The following TRIP11 variants were observed in gnomAD, a reference collection of about 807,000 sequenced individuals.
TRIP11 encodes the protein thyroid receptor-interacting protein 11.
Under a neutral mutation model 223.1 loss-of-function variants are expected in TRIP11, and 148 were observed. The observed-to-expected ratio is 0.66, with a 90% CI of 0.58 to 0.76. The LOEUF is 0.76. TRIP11 is among the 30% of genes least tolerant of loss of function. The probability of loss-of-function intolerance (pLI) is 0.00; values close to 1 mark genes in which losing one functional copy is unlikely to be tolerated. For missense variants in TRIP11, 2,043 were observed against 2,222.0 expected (o/e 0.92, Z 1.62); for synonymous variants, 762 against 772.6 (o/e 0.99, Z 0.23).
At chr14:91,976,740 A>T (rs2056469588) in intron 16 of TRIP11, among the ~76,000 whole-genome samples, 1 of 152,176 alleles carries the variant, frequency 6.6e-6, no homozygotes, top group South Asian at 2.1e-4. Flanking sequence ...TCTAATATAC[A>T]AATCAAGATA....
chr14:92,007,441 T>G (rs1704337878), intron 10 of TRIP11, among the ~76,000 whole-genome samples, 199 bp downstream of exon 10: 1 of 152,246 alleles, frequency 6.6e-6, no homozygotes, highest in South Asian at 2.1e-4. Flanking sequence ...TCACACTCAT[T>G]TGTTGGTATC....
Position 92,015,811 on chromosome 14 carries a change from C to T in TRIP11, c.708G>A (p.Met236Ile). 6.2e-7 allele frequency: 1 copy of T among 1,613,184 alleles called. No homozygotes were observed. Among genetic ancestry groups the T allele is most frequent in the Non-Finnish European group, 8.5e-7 (1 of 1,179,852 alleles). Residue 236 changes from methionine to isoleucine, a missense_variant, in exon 6 of 21, where the codon ATG becomes ATA. Transcript: ENST00000267622. Reference sequence around the variant, plus strand: ...GTTGGTGTGCATTCTGCAGTACTGACATTTCATGTTGATGGTCATCAATTT... The same window carrying T: ...GTTGGTGTGCATTCTGCAGTACTGATATTTCATGTTGATGGTCATCAATTT... ...SQEIDDHQHE[M>I]SVLQNAHQQK...
At chr14:91,992,783 C>A (rs1380951564) in intron 15 of TRIP11, among the ~76,000 whole-genome samples, 1 of 151,734 alleles carries the variant, frequency 6.6e-6, no homozygotes, top group African/African-American at 2.4e-5. Context: ...GTGGCGGGCA[C>A]CTGTAGTCCC....
chr14:91,974,708 C>T lies in TRIP11; in HGVS notation c.5493G>A (p.Trp1831Ter). Residue 1831 changes from tryptophan to a stop codon, truncating the protein, a stop_gained, in exon 19 of 21, where the codon TGG (tryptophan) becomes TGA (stop). Transcript: ENST00000267622. LOFTEE classifies it high-confidence loss of function. ...FHDDQGGVTR[W>*]MTGWLGGGSK... ...ATCCTCCTCCAAGCCACCCAGTCAT[C>T]CACCTGGTAACACCGCCCTGATCGT... The T allele has an allele frequency of 1.2e-6, 2 of 1,613,266 alleles. No homozygotes were observed. Among genetic ancestry groups the T allele is most frequent in the Non-Finnish European group, 1.7e-6 (2 of 1,179,914 alleles).
At chr14:91,988,250 G>A in intron 16 of TRIP11, 34 bp downstream of exon 16, 1 of 1,521,582 alleles carries the variant, frequency 6.6e-7, no homozygotes, top group Non-Finnish European at 9.1e-7. Context: ...TATCAGTATT[G>A]TAGTGGGGGA....
At chr14:92,015,039 G>A (rs2057018609) in intron 6 of TRIP11, among the ~76,000 whole-genome samples, 1 of 151,956 alleles carries the variant, frequency 6.6e-6, no homozygotes, top group Admixed American at 6.6e-5. Flanking sequence ...GAGTAGCTGG[G>A]ACCACAGGCG....
At chr14:91,970,065 G>T (rs1411235896) in intron 20 of TRIP11, among the ~76,000 whole-genome samples, 172 bp from the exon 21 acceptor site, 3 of 152,134 alleles carry the variant, frequency 2.0e-5, no homozygotes, top group African/African-American at 7.2e-5. Context: ...TCCCTTGACG[G>T]TAATAACACT....
intron 15 of TRIP11, among the ~76,000 whole-genome samples, chr14:91,993,311 T>C (rs2056703642): frequency 6.6e-6 from 1 of 151,734 alleles, no homozygotes; most frequent in African/African-American, 2.4e-5. Context: ...ACCCCATCTC[T>C]ATTAAAAATA....
intron 14 of TRIP11, 52 bp from the exon 15 acceptor site, chr14:91,993,964 A>G (rs769983088): frequency 7.2e-7 from 1 of 1,384,656 alleles, no homozygotes; most frequent in South Asian, 1.2e-5. Flanking sequence ...GTGTTAAGTT[A>G]GAATGTTAAG....
intron 16 of TRIP11, among the ~76,000 whole-genome samples, chr14:91,982,475 G>C (rs1477456612): frequency 6.6e-6 from 1 of 152,078 alleles, no homozygotes; most frequent in African/African-American, 2.4e-5. Context: ...AAAAGGGAGA[G>C]GGGGAGAAGG....
chr14:91,979,791 C>A (rs72705390), intron 16 of TRIP11, among the ~76,000 whole-genome samples: 3 of 151,936 alleles, frequency 2.0e-5, no homozygotes, highest in African/African-American at 7.3e-5. Flanking sequence ...CTTCAAGCAC[C>A]CTTATTTTCC....
In TRIP11 at chr14:92,037,694, G is replaced by C. The variant is rs949179715; in HGVS notation, c.139+1853C>G. 1.3e-5 allele frequency among the ~76,000 whole-genome samples: 2 copies of C among 152,342 alleles called. No homozygotes were observed. Among genetic ancestry groups the C allele is most frequent in the Admixed American group, 1.3e-4 (2 of 15,296 alleles). The stretch of plus-strand genomic sequence containing the variant: ...AGTTCGAGATCAGCCTGGCCAACAT[G>C]GCGAAACCCCATCTCTACTAAAAAT... On this transcript the variant is annotated intron_variant, in intron 1 of 20. Coordinates refer to ENST00000267622, the MANE Select transcript of TRIP11 (RefSeq NM_004239.4). The surrounding 1 kb of genome is among the most constrained non-coding windows in gnomAD (Gnocchi z 4.2).
intron 2 of TRIP11, among the ~76,000 whole-genome samples, chr14:92,032,570 C>T (rs377050748): frequency 6.6e-5 from 10 of 152,264 alleles, no homozygotes; most frequent in Admixed American, 5.2e-4. Context: ...CGTGGTGGCT[C>T]ACGCCTGTAA....
chr14:91,968,119 A>T lies in TRIP11; in HGVS notation c.*1554T>A, dbSNP rs11848545. The T allele has an allele frequency of 0.019, 3,944 of 202,524 alleles. 138 individuals are homozygous for T. Among genetic ancestry groups the T allele is most frequent in the African/African-American group, 0.073 (3,194 of 43,728 alleles). 12.5% of individuals were successfully genotyped at this position (202,524 alleles called of 1,614,324 possible). A position where few individuals can be genotyped will look rare whatever the true frequency, so the allele number is the denominator to read the frequency against. The stretch of plus-strand genomic sequence containing the variant: ...TTAGAAAGTACAGTTAATCACAGTA[A>T]AACTTGCAAATAACCAAATTTAGTT... On this transcript the variant is annotated 3_prime_UTR_variant, in exon 21 of 21. Transcript: ENST00000267622.
chr14:91,984,340 A>G (rs1170377797), intron 16 of TRIP11, among the ~76,000 whole-genome samples: 1 of 137,110 alleles, frequency 7.3e-6, no homozygotes, highest in Admixed American at 7.4e-5. Flanking sequence ...TTTTGGGACC[A>G]AGTTTCACTC....
At chr14:91,972,574 G>T in intron 20 of TRIP11, 143 bp downstream of exon 20, 1 of 761,612 alleles carries the variant, frequency 1.3e-6, no homozygotes, top group Non-Finnish European at 2.0e-6. Flanking sequence ...TATTGGAAAA[G>T]CCTGATGCCT....
intron 14 of TRIP11, among the ~76,000 whole-genome samples, chr14:91,994,419 T>G (rs11625372): frequency 0.23 from 34,635 of 151,954 alleles, 4,978 homozygotes; most frequent in Admixed American, 0.35. Context: ...AATTTGTGTA[T>G]TTTTAGTAGA....
intron 6 of TRIP11, among the ~76,000 whole-genome samples, chr14:92,015,060 C>T (rs186181461): frequency 1.3e-5 from 2 of 152,148 alleles, no homozygotes; most frequent in East Asian, 1.9e-4. Flanking sequence ...AGCACCACCA[C>T]GTCCAGCTAA....
chr14:91,999,896 C>A, intron 12 of TRIP11, 72 bp downstream of exon 12: 2 of 1,585,648 alleles, frequency 1.3e-6, no homozygotes, highest in South Asian at 2.2e-5. Context: ...TTTCACTGAT[C>A]ACCTTTCCAG....
Sources: gnomAD v4.1 joint callset for allele counts (sites outside exome capture counted in the v4.1 genomes callset) on GRCh38, gnomAD v4.1.1 for gene constraint, Gnocchi (gnomAD v3.1) non-coding constraint, MANE v1.5 for transcripts, NCBI Gene and HGNC (gene_info 2026-07-23, HGNC 2026-07-21) for gene names.